KCND3: variants seen among roughly 807,000 people sequenced by gnomAD.
KCND3 encodes potassium voltage-gated channel subfamily D member 3, also known as A-type voltage-gated potassium channel KCND3.
Under a neutral mutation model 51.1 loss-of-function variants are expected in KCND3, and 9 were observed. The observed-to-expected ratio is 0.18, with a 90% CI of 0.11 to 0.31. The LOEUF is 0.31. Ranked by LOEUF, KCND3 falls within the 10% of genes least tolerant of loss-of-function variation. The pLI is 1.00. For synonymous variants in KCND3, 349 were observed against 368.0 expected, an observed-to-expected ratio of 0.95 and a Z score of 0.59; for missense variants, 526 against 903.8, an observed-to-expected ratio of 0.58 and a Z score of 5.36.
At chr1:111,807,279 T>C (rs1665613602) in intron 2 of KCND3, among the ~76,000 whole-genome samples, 1 of 152,244 alleles carries the variant, frequency 6.6e-6, no homozygotes, top group Non-Finnish European at 1.5e-5. Flanking sequence ...GGCAGTCCTA[T>C]AAAATTGTGG....
chr1:111,800,552 T>C, intron 2 of KCND3, among the ~76,000 whole-genome samples: 1 of 126,298 alleles, frequency 7.9e-6, no homozygotes, highest in Non-Finnish European at 1.8e-5. Flanking sequence ...AAAATAAATT[T>C]AAAAAAAAAA....
At chr1:111,857,092 A>G (rs1371032145) in intron 2 of KCND3, among the ~76,000 whole-genome samples, 1 of 152,160 alleles carries the variant, frequency 6.6e-6, no homozygotes, top group East Asian at 1.9e-4. Context: ...GACACTCGTC[A>G]TGCGCCTTCT....
intron 1 of KCND3, chr1:111,988,667 G>T (rs1367673581): frequency 1.3e-5 from 2 of 152,086 alleles, no homozygotes; most frequent in Non-Finnish European, 2.9e-5. Flanking sequence ...ATACAGCAAC[G>T]CATGCCTGGT....
At chr1:111,843,790 T>C (rs1667433622) in intron 2 of KCND3, among the ~76,000 whole-genome samples, 1 of 152,216 alleles carries the variant, frequency 6.6e-6, no homozygotes, top group African/African-American at 2.4e-5. Flanking sequence ...TGGCGACATT[T>C]TGCAATGTTA....
intron 2 of KCND3, among the ~76,000 whole-genome samples, chr1:111,905,588 G>C (rs1222675494): frequency 6.6e-6 from 1 of 152,194 alleles, no homozygotes; most frequent in East Asian, 1.9e-4. Flanking sequence ...GTCTCGCTCT[G>C]ACCTGGAGAT....
At position 111,933,634 on chromosome 1, in the gene KCND3, G is replaced by C. The variant is rs1439504439; in HGVS notation, c.1106+47987C>G. On this transcript the variant is annotated intron_variant, in intron 2 of 7. Coordinates refer to ENST00000302127, the MANE Select transcript of KCND3 (RefSeq NM_001378969.1). ...TCCAAGAAGCAGGACCAAATCAAGAGTGGCATGCATGTGGGAAAGCAGGCA... is the reference window on the plus strand; with the variant it reads ...TCCAAGAAGCAGGACCAAATCAAGACTGGCATGCATGTGGGAAAGCAGGCA... 1.3e-5 allele frequency among the ~76,000 whole-genome samples: 2 copies of C among 152,312 alleles called. 1 individual carries two copies. Among genetic ancestry groups the C allele is most frequent in the South Asian group, 4.1e-4 (2 of 4,828 alleles).
chr1:111,848,803 G>A (rs966630580), intron 2 of KCND3, among the ~76,000 whole-genome samples: 3 of 152,244 alleles, frequency 2.0e-5, no homozygotes, highest in African/African-American at 7.2e-5. Context: ...GCGTGGAGAT[G>A]ACGTGAGGTG....
In KCND3 at chr1:111,866,259, TTTTC is replaced by T. The variant is rs1239910689; in HGVS notation, c.1107-79157_1107-79154del. On this transcript the variant is annotated intron_variant, in intron 2 of 7. Coordinates refer to ENST00000302127, the MANE Select transcript of KCND3 (RefSeq NM_001378969.1). The stretch of plus-strand genomic sequence containing the variant: ...TTTTCTTCTTTCTTTCTTTCTTTTC[TTTTC>T]TTTTTTTTTTTTTTTTTGACAAGGT... Among the ~76,000 whole-genome samples the T allele has an allele frequency of 7.9e-3, 202 of 25,530 alleles. No individual in the cohort carries two copies. The Admixed American group carries it at 0.084, about 11-fold the overall frequency. 16.7% of individuals were successfully genotyped at this position (25,530 alleles called of 152,430 possible).
intron 2 of KCND3, among the ~76,000 whole-genome samples, chr1:111,801,585 G>A (rs1260394496): frequency 2.0e-5 from 3 of 152,158 alleles, no homozygotes; most frequent in Admixed American, 2.0e-4. Flanking sequence ...AGGAGTCTTA[G>A]CCCCAGGCCA....
intron 2 of KCND3, among the ~76,000 whole-genome samples, chr1:111,952,750 GC>G (rs1673123678): frequency 6.6e-6 from 1 of 152,096 alleles, no homozygotes; most frequent in Non-Finnish European, 1.5e-5. Context: ...TCCCATGCTT[GC>G]CTCCTTCTTG....
At chr1:111,975,348 GAGA>G (rs1386446046) in intron 2 of KCND3, among the ~76,000 whole-genome samples, 1 of 152,212 alleles carries the variant, frequency 6.6e-6, no homozygotes, top group African/African-American at 2.4e-5. Context: ...CCCAGGGGTA[GAGA>G]AGATCTTCAG....
At chr1:111,848,059 C>G (rs140805343) in intron 2 of KCND3, among the ~76,000 whole-genome samples, 129 of 152,364 alleles carry the variant, frequency 8.5e-4, no homozygotes, top group Non-Finnish European at 1.5e-3. Flanking sequence ...GAGACATTGC[C>G]TGTGTTTCAT....
chr1:111,825,645 T>A (rs1479868371), intron 2 of KCND3, among the ~76,000 whole-genome samples: 1 of 152,212 alleles, frequency 6.6e-6, no homozygotes, highest in Non-Finnish European at 1.5e-5. Context: ...ATTAAACAAA[T>A]CATCCATGCT....
chr1:111,785,211 G>A (rs1171226832), intron 3 of KCND3, among the ~76,000 whole-genome samples: 6 of 152,198 alleles, frequency 3.9e-5, no homozygotes, highest in Non-Finnish European at 8.8e-5. Flanking sequence ...CCAGAAGCCT[G>A]TGTCAGCTCT....
chr1:111,894,135 C>T (rs1669986114), intron 2 of KCND3, among the ~76,000 whole-genome samples: 1 of 152,194 alleles, frequency 6.6e-6, no homozygotes, highest in South Asian at 2.1e-4. Flanking sequence ...AGCCTATGAA[C>T]GAGGGCGCTG....
intron 2 of KCND3, among the ~76,000 whole-genome samples, chr1:111,956,964 C>G (rs1031894458): frequency 6.6e-6 from 1 of 152,304 alleles, no homozygotes; most frequent in African/African-American, 2.4e-5. Flanking sequence ...TCTTCCTTAA[C>G]AAAAGTGGAA....
chr1:111,956,147 G>C (rs1388951278), intron 2 of KCND3, among the ~76,000 whole-genome samples: 1 of 152,136 alleles, frequency 6.6e-6, no homozygotes, highest in Non-Finnish European at 1.5e-5. Flanking sequence ...AGTTAGGAGA[G>C]GAGGGAGTTG....
chr1:111,971,601 T>C (rs1674334982), intron 2 of KCND3, among the ~76,000 whole-genome samples: 1 of 152,172 alleles, frequency 6.6e-6, no homozygotes, highest in African/African-American at 2.4e-5. Context: ...CAGCTGATGA[T>C]TTTGGAAACG....
chr1:111,829,209 C>T (rs1193749853), intron 2 of KCND3, among the ~76,000 whole-genome samples: 1 of 152,144 alleles, frequency 6.6e-6, no homozygotes, highest in East Asian at 1.9e-4. Context: ...TGTGCGGTTG[C>T]AGGGATATGG....
Sources: gnomAD v4.1 joint callset for allele counts (sites outside exome capture counted in the v4.1 genomes callset) on GRCh38, gnomAD v4.1.1 for gene constraint, MANE v1.5 for transcripts, NCBI Gene and HGNC (gene_info 2026-07-23, HGNC 2026-07-21) for gene names.